Variants in MICALL2 observed in about 807,000 individuals in gnomAD.
MICALL2 encodes the protein MICAL-like protein 2.
Under a neutral mutation model 91.1 loss-of-function variants are expected in MICALL2, and 111 were observed. The ratio of observed to expected loss-of-function variants is 1.22; its 90% CI spans 1.04 to 1.43. The LOEUF is 1.43. Ranked by LOEUF, MICALL2 falls within the 40% of genes most tolerant of loss-of-function variation. The pLI is 0.00. For missense variants in MICALL2, 1,556 were observed against 1,236.0 expected (o/e 1.26, Z -3.88); for synonymous variants, 694 against 525.3 (o/e 1.32, Z -4.39).
intron 2 of MICALL2, 84 bp downstream of exon 2, chr7:1,450,156 G>C (rs974002636): frequency 9.4e-7 from 1 of 1,061,920 alleles, no homozygotes; most frequent in East Asian, 2.4e-5. Context: ...CAGGGCCTGG[G>C]GGGAGTCCCT....
At chr7:1,444,390 C>G (rs545646527) in intron 6 of MICALL2, among the ~76,000 whole-genome samples, 1 of 152,208 alleles carries the variant, frequency 6.6e-6, no homozygotes. Flanking sequence ...GGAGCGGCAG[C>G]GCCACCGCAC....
chr7:1,434,981 A>ACCCCCCCCCCCCCCCCCCCCCCCCC, intron 16 of MICALL2, 120 bp downstream of exon 16: 4 of 372,302 alleles, frequency 1.1e-5, no homozygotes, highest in Non-Finnish European at 1.5e-5. Flanking sequence ...GGGACCCGAT[A>ACCCCCCCCCCCCCCCCCCCCCCCCC]CCCGCCCCCC....
intron 7 of MICALL2, chr7:1,441,508 G>C (rs1373230446): frequency 6.5e-6 from 1 of 153,058 alleles, no homozygotes; most frequent in East Asian, 1.9e-4. Flanking sequence ...AAACACGTGA[G>C]GCCATAAAAC....
chr7:1,447,644 T>C lies in MICALL2; in HGVS notation c.456A>G (p.Leu152=), dbSNP rs936198915. ...PSPAPARKPP[L]SPAQTNPVVQ... The stretch of plus-strand genomic sequence containing the variant: ...CCACAGGGTTTGTCTGGGCTGGAGA[T>C]AGTGGAGGCTTCCGGGCTGGGGCGG... The change falls in exon 4 of 17, where the codon CTA becomes CTG. Residue 152 remains leucine (L), a synonymous_variant. Transcript: ENST00000297508. 3 of 1,596,612 alleles carry C rather than the reference T, an allele frequency of 1.9e-6. No homozygotes were observed. The highest frequency in any genetic ancestry group is 2.3e-5 in the East Asian group (1 of 44,326).
At position 1,459,413 on chromosome 7, in the gene MICALL2, G is replaced by A; in HGVS notation, c.-87C>T. 2 of 1,266,406 alleles carry A rather than the reference G, an allele frequency of 1.6e-6. No homozygotes were observed. Among genetic ancestry groups the A allele is most frequent in the Non-Finnish European group, 1.0e-6 (1 of 976,520 alleles). 78.4% of individuals were successfully genotyped at this position (1,266,406 alleles called of 1,614,324 possible). On this transcript the variant is annotated 5_prime_UTR_variant, in exon 1 of 17. Transcript: ENST00000297508. ...CGACCGCCCGGCCGGCGGGACAGAC[G>A]CTGGGACCGCTACGGAACCGCCAGA...
intron 1 of MICALL2, among the ~76,000 whole-genome samples, chr7:1,453,467 C>T (rs898812434): frequency 6.6e-6 from 1 of 152,158 alleles, no homozygotes; most frequent in Non-Finnish European, 1.5e-5. Context: ...CACCTCCGTC[C>T]GGGACGTTGG....
At chr7:1,447,551 G>C (rs748485683) in intron 4 of MICALL2, 24 bp downstream of exon 4, 4 of 1,411,918 alleles carry the variant, frequency 2.8e-6, no homozygotes, top group Non-Finnish European at 2.9e-6. Flanking sequence ...AGAGAACCAG[G>C]GGGAGGGTGG....
intron 15 of MICALL2, among the ~76,000 whole-genome samples, chr7:1,436,319 T>C (rs1584193162): frequency 2.0e-5 from 3 of 151,480 alleles, no homozygotes; most frequent in South Asian, 4.2e-4. Flanking sequence ...CAGACGGAGG[T>C]TGCAGTGAGC....
At chr7:1,438,531 T>C in intron 10 of MICALL2, 178 bp from the exon 11 acceptor site, 1 of 1,433,120 alleles carries the variant, frequency 7.0e-7, no homozygotes. Flanking sequence ...CTGAGTGGCC[T>C]CCAGGCCCAG....
At chr7:1,455,639 C>T (rs1004216045) in intron 1 of MICALL2, among the ~76,000 whole-genome samples, 1 of 151,520 alleles carries the variant, frequency 6.6e-6, no homozygotes, top group African/African-American at 2.4e-5. Context: ...GCCCCCTCCA[C>T]CCGGGGTCGG....
Position 1,442,195 on chromosome 7 carries a change from G to A in MICALL2, c.1708C>T (p.Gln570Ter). ...TGCCTCCCAGCCCCTTACTCACCCTGCGTTAAGGTGGTGCTTTTACCCTTT... is the reference window on the plus strand; with the variant it reads ...TGCCTCCCAGCCCCTTACTCACCCTACGTTAAGGTGGTGCTTTTACCCTTT... Reference protein sequence around the residue: ...MAKGKSTTLTQDMSTSLQEGQ... With the variant: ...MAKGKSTTLT Residue 570 changes from glutamine to a stop codon, truncating the protein, a stop_gained, in exon 7 of 17, where the codon CAG becomes TAG. Coordinates refer to ENST00000297508, the MANE Select transcript of MICALL2 (RefSeq NM_182924.4). LOFTEE classifies it high-confidence loss of function. 6.2e-7 allele frequency: 1 copy of A among 1,612,386 alleles called. No individual in the cohort carries two copies. The highest frequency in any genetic ancestry group is 8.5e-7 in the Non-Finnish European group (1 of 1,179,868).
intron 14 of MICALL2, 158 bp from the exon 15 acceptor site, chr7:1,437,014 T>G: frequency 1.9e-6 from 1 of 538,124 alleles, no homozygotes. Flanking sequence ...AATAAGTGAA[T>G]GAAGGAAGGA....
Position 1,447,718 on chromosome 7 carries a change from C to T in MICALL2, c.382G>A (p.Glu128Lys), listed in dbSNP as rs1780664313. The T allele has an allele frequency of 6.3e-7, 1 of 1,577,198 alleles. No individual in the cohort carries two copies. Among genetic ancestry groups the T allele is most frequent in the South Asian group, 1.2e-5 (1 of 86,040 alleles). ...VKRASEDSEE[E>K]PSGKKAPVQA... Reference sequence around the variant, plus strand: ...ACTGGAGCCTTCTTCCCTGACGGCTCCTCCTCAGAGTCCTCCGAGGCCCTC... The same window carrying T: ...ACTGGAGCCTTCTTCCCTGACGGCTTCTCCTCAGAGTCCTCCGAGGCCCTC... Residue 128 changes from glutamate to lysine, a missense_variant, in exon 4 of 17, where the codon GAG becomes AAG. Physicochemically the swap from Glu to Lys is moderately conservative, Grantham distance 56. Coordinates refer to ENST00000297508, the MANE Select transcript of MICALL2 (RefSeq NM_182924.4).
rs1354199327 is a variant in MICALL2, at chr7:1,451,601, C to T, written c.144-1313G>A. ...CCATGTCAGCGTGAACTGGACTGTT[C>T]TAGAAGCTTCCTGGCCCCACAGAGG... is the stretch of plus-strand genomic sequence containing the variant. On this transcript the variant is annotated intron_variant, in intron 1 of 16. Coordinates refer to ENST00000297508, the MANE Select transcript of MICALL2 (RefSeq NM_182924.4). This position sits in a 1 kb window ranked among gnomAD's most constrained non-coding sequence, Gnocchi z 4.5. Among the ~76,000 whole-genome samples, 3 of 152,202 alleles carry T rather than the reference C, an allele frequency of 2.0e-5. No homozygotes were observed. Among genetic ancestry groups the T allele is most frequent in the Admixed American group, 1.3e-4 (2 of 15,284 alleles).
At chr7:1,458,316 C>A (rs1461165325) in intron 1 of MICALL2, among the ~76,000 whole-genome samples, 1 of 152,218 alleles carries the variant, frequency 6.6e-6, no homozygotes, top group African/African-American at 2.4e-5. Context: ...CTCCTCCCAA[C>A]CCCGAGACCT....
intron 13 of MICALL2, 81 bp downstream of exon 13, chr7:1,437,809 G>T: frequency 7.3e-7 from 1 of 1,371,136 alleles, no homozygotes; most frequent in Non-Finnish European, 1.0e-6. Flanking sequence ...GCCTGACTCT[G>T]CGCTCCTGTC....
rs375776473 is a variant in MICALL2 at position 1,459,269 on chromosome 7, C to T, written c.58G>A (p.Asp20Asn). ...GTGGTCATGTTGCAGATATTCACGT[C>T]GCGGTAGCCCTCGCACTGCTGCCGG... ...WCRQQCEGYR[D>N]VNICNMTTSF... Residue 20 changes from aspartate (D) to asparagine (N), a missense_variant, in exon 1 of 17, where the codon GAC (aspartate) becomes AAC (asparagine). Transcript: ENST00000297508. The T allele has an allele frequency of 5.0e-6, 8 of 1,609,096 alleles. No individual in the cohort carries two copies. In the African/African-American group the frequency reaches 9.4e-5, roughly 19 times the overall value.
intron 1 of MICALL2, among the ~76,000 whole-genome samples, chr7:1,453,811 G>T (rs1220949510): frequency 6.6e-6 from 1 of 152,200 alleles, no homozygotes. Context: ...CACACCGTGG[G>T]CCAGGCACAC....
At chr7:1,436,975 G>C in intron 14 of MICALL2, 119 bp from the exon 15 acceptor site, 2 of 668,918 alleles carry the variant, frequency 3.0e-6, no homozygotes, top group Non-Finnish European at 4.8e-6. Context: ...GTGGGGTCTT[G>C]GGGGGATCCG....
Sources: allele counts gnomAD v4.1 joint callset (sites outside exome capture counted in the v4.1 genomes callset), GRCh38; gene constraint gnomAD v4.1.1; non-coding constraint Gnocchi (gnomAD v3.1); transcripts MANE v1.5; gene names NCBI Gene and HGNC (gene_info 2026-07-23, HGNC 2026-07-21).